The following H2BC18 variants were observed in gnomAD, a reference collection of about 807,000 sequenced individuals.
H2BC18 encodes the protein H2B clustered histone 18.
H2BC18 carries 8 observed loss-of-function variants against 6.3 expected under a neutral mutation model. The observed-to-expected ratio is 1.28, with a 90% CI of 0.75 to 2.31. H2BC18 has a LOEUF of 2.31. Among genes scored for constraint, H2BC18 ranks in the 30% most tolerant of loss-of-function variants. The pLI is 0.00. For missense variants in H2BC18, 106 were observed against 174.5 expected (o/e 0.61, Z 2.21); for synonymous variants, 104 against 78.1 (o/e 1.33, Z -1.75).
intron 1 of H2BC18, chr1:149,793,068 C>G: frequency 7.9e-7 from 1 of 1,269,324 alleles, no homozygotes; most frequent in Non-Finnish European, 1.0e-6. Flanking sequence ...ACCTGGCGGC[C>G]GTCTGTGGAG....
intron 1 of H2BC18, chr1:149,803,533 CCT>C (rs782256861): frequency 1.3e-5 from 2 of 152,078 alleles, no homozygotes; most frequent in Admixed American, 6.5e-5. Context: ...TCTCTCTCCC[CCT>C]CTCTTTCTGT....
At chr1:149,809,765 A>G (rs1199153365), downstream of H2BC18, among the ~76,000 whole-genome samples, 3 of 149,178 alleles carry the variant, frequency 2.0e-5, no homozygotes, top group Non-Finnish European at 4.5e-5. Flanking sequence ...TGTGAACTAC[A>G]ATGAGATGAA....
intron 1 of H2BC18, chr1:149,784,208 G>A (rs781924551): frequency 6.2e-7 from 1 of 1,611,380 alleles, no homozygotes; most frequent in East Asian, 2.2e-5. Context: ...ACAGGTGCCA[G>A]AGAGGTCTCT....
downstream of H2BC18, among the ~76,000 whole-genome samples, chr1:149,809,026 C>T (rs2091948683): frequency 7.1e-6 from 1 of 141,526 alleles, no homozygotes; most frequent in African/African-American, 2.7e-5. Context: ...AAACTGTCAT[C>T]TTTGTAGGTT....
rs782145170 is a variant in H2BC18, at chr1:149,812,317, C to T, written c.7G>A (p.Asp3Asn). 1 of 1,614,174 alleles carries T rather than the reference C, an allele frequency of 6.2e-7. No individual in the cohort carries two copies. The highest frequency in any genetic ancestry group is 8.5e-7 in the Non-Finnish European group (1 of 1,180,026). The change falls in exon 1 of 1, where the codon GAT becomes AAT. Residue 3 changes from aspartate (D) to asparagine (N), a missense_variant. Coordinates refer to ENST00000369167, the MANE Select transcript of H2BC18 (RefSeq NM_001024599.5). MP[D>N]PAKSAPAPKK... ...GGAGCAGGAGCGGATTTCGCTGGAT[C>T]CGGCATTTTTGCGCGAAAAAAGAGA...
At chr1:149,790,214 C>A in intron 1 of H2BC18, 2 of 1,613,510 alleles carry the variant, frequency 1.2e-6, no homozygotes. Flanking sequence ...GAGGCAGGAA[C>A]ACATCCTCTG....
chr1:149,785,041 G>A (rs2091504740), intron 1 of H2BC18, among the ~76,000 whole-genome samples: 1 of 152,204 alleles, frequency 6.6e-6, no homozygotes, highest in South Asian at 2.1e-4. Flanking sequence ...TTTAATAAAT[G>A]GAAGCAGAAA....
chr1:149,784,727 T>C (rs1422714846), intron 1 of H2BC18, among the ~76,000 whole-genome samples: 24 of 149,100 alleles, frequency 1.6e-4, no homozygotes, highest in African/African-American at 5.9e-4. Flanking sequence ...TATACACACA[T>C]ATATATAGTT....
In H2BC18 at chr1:149,791,327, C is replaced by A. The variant is rs782691099; in HGVS notation, c.378-8067G>T. On this transcript the variant is annotated intron_variant, in intron 1 of 1. Coordinates refer to the H2BC18 transcript ENST00000545683. ...TTAGTGAACACTGTTCTCTGGGTGA[C>A]AATACGTAAAGAACTGAAAAGAAAG... is the stretch of plus-strand genomic sequence containing the variant. 2.7e-5 allele frequency: 43 copies of A among 1,593,600 alleles called. 1 individual carries two copies. The highest frequency in any genetic ancestry group is 3.5e-5 in the Non-Finnish European group (41 of 1,169,826).
downstream of H2BC18, among the ~76,000 whole-genome samples, chr1:149,807,827 G>GAGAGAGAA (rs146587041): frequency 0.089 from 13,573 of 151,832 alleles, 1,163 homozygotes; most frequent in African/African-American, 0.22. Context: ...AAGAAAGAGA[G>GAGAGAGAA]AGAGAGAGAG....
chr1:149,802,962 G>A (rs1488159657), intron 1 of H2BC18, among the ~76,000 whole-genome samples: 1 of 152,200 alleles, frequency 6.6e-6, no homozygotes, highest in Non-Finnish European at 1.5e-5. Flanking sequence ...TTGAGGGTGA[G>A]TCTTCCTCTC....
intron 1 of H2BC18, among the ~76,000 whole-genome samples, chr1:149,802,987 C>T (rs2091888136): frequency 6.6e-6 from 1 of 152,226 alleles, no homozygotes; most frequent in Non-Finnish European, 1.5e-5. Context: ...TCCACTGACT[C>T]AAATGTTAAT....
chr1:149,806,311 G>C (rs1553753857), intron 1 of H2BC18, among the ~76,000 whole-genome samples: 3 of 152,166 alleles, frequency 2.0e-5, no homozygotes, highest in African/African-American at 7.2e-5. Context: ...AGTTATGAGA[G>C]GCCGGGCGCA....
In H2BC18 at chr1:149,789,393, AAATAATAAT is replaced by A. The variant is rs781855250; in HGVS notation, c.378-6142_378-6134del. Among the ~76,000 whole-genome samples the A allele has an allele frequency of 6.0e-5, 9 of 148,838 alleles. No homozygotes were observed. The South Asian group carries it at 1.1e-3, about 17-fold the overall frequency. On this transcript the variant is annotated intron_variant, in intron 1 of 1. Coordinates refer to the H2BC18 transcript ENST00000545683. ...GGGCAACAGAGCGAGACTACGTCTCAAATAATAATAATAATAATAATAATAATGATGATA... is the reference window on the plus strand; with the variant it reads ...GGGCAACAGAGCGAGACTACGTCTCAAATAATAATAATAATAATGATGATA...
intron 1 of H2BC18, chr1:149,784,205 C>T (rs1160709283): frequency 6.2e-7 from 1 of 1,611,200 alleles, no homozygotes; most frequent in African/African-American, 1.3e-5. Context: ...AATACAGGTG[C>T]CAGAGAGGTC....
At chr1:149,811,764 A>G, downstream of H2BC18, 1 of 677,488 alleles carries the variant, frequency 1.5e-6, no homozygotes, top group Non-Finnish European at 2.5e-6. Context: ...TTACAGGACT[A>G]CAGGAAACTC....
chr1:149,790,367 C>T (rs1458828701), intron 1 of H2BC18: 1 of 1,571,146 alleles, frequency 6.4e-7, no homozygotes, highest in African/African-American at 1.3e-5. Flanking sequence ...AAGCCACTGG[C>T]ACAGAAGAAG....
At chr1:149,793,805 C>T (rs1553752503) in intron 1 of H2BC18, among the ~76,000 whole-genome samples, 1 of 151,798 alleles carries the variant, frequency 6.6e-6, no homozygotes, top group African/African-American at 2.4e-5. Context: ...GAGTTCAGGC[C>T]CGTTTCAGAA....
downstream of H2BC18, among the ~76,000 whole-genome samples, chr1:149,809,762 T>G (rs1440551858): frequency 8.1e-5 from 12 of 149,024 alleles, no homozygotes; most frequent in Non-Finnish European, 1.3e-4. Context: ...CCCTGTGAAC[T>G]ACAATGAGAT....
Sources: allele counts gnomAD v4.1 joint callset (sites outside exome capture counted in the v4.1 genomes callset), GRCh38; gene constraint gnomAD v4.1.1; transcripts MANE v1.5; gene names NCBI Gene and HGNC (gene_info 2026-07-23, HGNC 2026-07-21).